DGKZ: variants seen among roughly 807,000 people sequenced by gnomAD.
The protein encoded by DGKZ is DAG kinase zeta.
DGKZ carries 45 observed loss-of-function variants against 142.5 expected under a neutral mutation model. The ratio of observed to expected loss-of-function variants is 0.32; its 90% confidence interval spans 0.25 to 0.40. DGKZ has a LOEUF of 0.40. Ranked by LOEUF, DGKZ falls within the 10% of genes least tolerant of loss-of-function variation. DGKZ has a pLI of 1.00. For synonymous variants in DGKZ, 442 were observed against 527.0 expected, an observed-to-expected ratio of 0.84 and a Z score of 2.21; for missense variants, 755 against 1,306.5, an observed-to-expected ratio of 0.58 and a Z score of 6.51.
exon 1 of DGKZ, chr11:46,333,432 C>A: frequency 6.5e-7 from 1 of 1,527,670 alleles, no homozygotes; most frequent in Non-Finnish European, 8.8e-7. Context: ...GGCCGCTGGG[C>A]CCCCGGTGGA....
chr11:46,345,829 G>A (rs1012316019), upstream of DGKZ, among the ~76,000 whole-genome samples: 5 of 152,186 alleles, frequency 3.3e-5, no homozygotes, highest in African/African-American at 4.8e-5. The surrounding 1 kb of genome is among the most constrained non-coding windows in gnomAD (Gnocchi z 4.1). Context: ...GATCTGGGAA[G>A]AGGAGCCCCC....
chr11:46,378,590 C>T (rs1347412113), intron 27 of DGKZ, 90 bp downstream of exon 27: 1 of 1,540,534 alleles, frequency 6.5e-7, no homozygotes, highest in Non-Finnish European at 8.9e-7. Context: ...AGCTGACCTG[C>T]TCAGGTGCTG....
chr11:46,352,333 G>A (rs1376719493), intron 1 of DGKZ, among the ~76,000 whole-genome samples: 2 of 152,212 alleles, frequency 1.3e-5, no homozygotes, highest in Non-Finnish European at 2.9e-5. Context: ...GTGGGAGGCC[G>A]GTGGGCGAGG....
chr11:46,379,058 A>G (rs150701645), exon 28 of DGKZ: 1 of 1,599,668 alleles, frequency 6.3e-7, no homozygotes, highest in Non-Finnish European at 8.5e-7. Context: ...ACGCTCCTGC[A>G]CCACGCAGTC....
intron 1 of DGKZ, among the ~76,000 whole-genome samples, chr11:46,341,532 G>A (rs572575399): frequency 1.1e-4 from 16 of 152,358 alleles, no homozygotes; most frequent in East Asian, 7.7e-4. Context: ...AATCAGGAAA[G>A]AAGATTCAAA....
chr11:46,366,241 C>T, intron 1 of DGKZ: 2 of 1,558,594 alleles, frequency 1.3e-6, no homozygotes, highest in East Asian at 2.3e-5. Context: ...CTGTGCCCAA[C>T]AGCCAACCGC....
At chr11:46,338,447 C>G (rs7111668) in intron 1 of DGKZ, among the ~76,000 whole-genome samples, 24,870 of 134,010 alleles carry the variant, frequency 0.19, 7,114 homozygotes, top group African/African-American at 0.61. Flanking sequence ...AGTAAGCCAA[C>G]ATCGCGCCAC....
chr11:46,373,183 TC>T, intron 14 of DGKZ, 82 bp downstream of exon 14: 1 of 1,440,172 alleles, frequency 6.9e-7, no homozygotes, highest in Non-Finnish European at 9.2e-7. Context: ...TTCTGGGACC[TC>T]GGGCGTGTCT....
At position 46,372,177 on chromosome 11, in the gene DGKZ, G is replaced by C; in HGVS notation, c.927+7G>C. Reference sequence around the variant, plus strand: ...CAAGAGTGGGGGCAACCAGGTGAACGCGGCCTTGCCTCTCAGCTAAGGGCT... The same window carrying C: ...CAAGAGTGGGGGCAACCAGGTGAACCCGGCCTTGCCTCTCAGCTAAGGGCT... On this transcript the variant is annotated splice_region_variant and intron_variant, in intron 10 of 30. Coordinates refer to ENST00000527911, the Ensembl canonical transcript of DGKZ. This position sits in a 1 kb window ranked among gnomAD's most constrained non-coding sequence, Gnocchi z 5.9. 6.2e-7 allele frequency: 1 copy of C among 1,600,652 alleles called. No homozygotes were observed. The highest frequency in any genetic ancestry group is 8.5e-7 in the Non-Finnish European group (1 of 1,172,240).
At chr11:46,353,543 G>A (rs996944207) in intron 1 of DGKZ, among the ~76,000 whole-genome samples, 7 of 152,192 alleles carry the variant, frequency 4.6e-5, no homozygotes, top group Admixed American at 1.3e-4. Flanking sequence ...ATCATGTGGC[G>A]TCCGGGCTGG....
At chr11:46,373,991 AGGGCTGTGCCTGACAGCGGGTGAGCT>A (rs1260179136) in intron 14 of DGKZ, among the ~76,000 whole-genome samples, 140 bp from the exon 15 acceptor site, 1 of 152,236 alleles carries the variant, frequency 6.6e-6, no homozygotes, top group Non-Finnish European at 1.5e-5. Context: ...CAGGCAGAGC[AGGGCTGTGCCTGACAGCGGGTGAGCT>A]GGGCTGAGCC....
chr11:46,379,676 AC>A (rs1180270448), intron 30 of DGKZ, 108 bp downstream of exon 30: 1 of 1,283,040 alleles, frequency 7.8e-7, no homozygotes, highest in Non-Finnish European at 1.1e-6. Flanking sequence ...CACAGTCCAG[AC>A]CCTGGGAAAC....
At position 46,367,858 on chromosome 11, in the gene DGKZ, C is replaced by G. The variant is rs1943496773; in HGVS notation, c.366+111C>G. 5 of 1,530,546 alleles carry G rather than the reference C, an allele frequency of 3.3e-6. No individual in the cohort carries two copies. Among genetic ancestry groups the G allele is most frequent in the Non-Finnish European group, 4.5e-6 (5 of 1,109,162 alleles). 94.8% of individuals were successfully genotyped at this position (1,530,546 alleles called of 1,614,324 possible). ...CTGGCACCCCTGCTGTGGGCCGCCC[C>G]AGGATGGTGAGGGGTGCAGGGGCTT... On this transcript the variant is annotated intron_variant, in intron 3 of 30. Transcript: ENST00000527911. The surrounding 1 kb of genome is among the most constrained non-coding windows in gnomAD (Gnocchi z 4.1).
intron 4 of DGKZ, chr11:46,368,592 G>GGGAAGCTC: frequency 3.8e-6 from 1 of 265,896 alleles, no homozygotes; most frequent in Admixed American, 5.0e-5. Flanking sequence ...GCGCTTCCCA[G>GGGAAGCTC]CCTGCAGAAA....
chr11:46,372,517 A>G lies in DGKZ; in HGVS notation c.1010+7A>G, dbSNP rs1944060414. 3.7e-6 allele frequency: 6 copies of G among 1,613,886 alleles called. No individual in the cohort carries two copies. The highest frequency in any genetic ancestry group is 5.1e-6 in the Non-Finnish European group (6 of 1,180,006). On this transcript the variant is annotated splice_region_variant and intron_variant, in intron 11 of 30. Transcript: ENST00000527911. This position sits in a 1 kb window ranked among gnomAD's most constrained non-coding sequence, Gnocchi z 5.9. ...AGGGAGGGCCCAAGGAGGCGTAAGT[A>G]CTTGCCAAGGTTTTGTGGGGGACAT...
At chr11:46,369,869 C>T (rs1447679585) in intron 5 of DGKZ, 72 bp from the exon 6 acceptor site, 48 of 1,526,730 alleles carry the variant, frequency 3.1e-5, no homozygotes, top group East Asian at 1.6e-4. Context: ...TGTGTTGAGC[C>T]GTGTGGGCAG....
chr11:46,363,435 G>A (rs974391499), intron 1 of DGKZ, among the ~76,000 whole-genome samples: 7 of 152,214 alleles, frequency 4.6e-5, no homozygotes, highest in African/African-American at 7.2e-5. Context: ...CAGCACTGCC[G>A]GCCTTGCCCA....
chr11:46,355,431 T>G (rs963663104), intron 1 of DGKZ, among the ~76,000 whole-genome samples: 13 of 152,034 alleles, frequency 8.6e-5, no homozygotes, highest in Non-Finnish European at 8.8e-5. Context: ...AAACTTTCAG[T>G]AAACTGGGGA....
intron 1 of DGKZ, chr11:46,366,045 G>T (rs1320100083): frequency 2.0e-6 from 2 of 985,366 alleles, no homozygotes; most frequent in South Asian, 9.4e-5. Context: ...GCACCCCTGG[G>T]ATCCTCACAT....
Sources: allele counts gnomAD v4.1 joint callset (sites outside exome capture counted in the v4.1 genomes callset), GRCh38; gene constraint gnomAD v4.1.1; non-coding constraint Gnocchi (gnomAD v3.1); transcripts MANE v1.5; gene names NCBI Gene and HGNC (gene_info 2026-07-23, HGNC 2026-07-21).